AGTPBP1: variants seen among roughly 807,000 people sequenced by gnomAD.
AGTPBP1 encodes ATP/GTP binding carboxypeptidase 1.
In AGTPBP1, 70 loss-of-function variants were observed where a neutral mutation model predicts 143.9. The ratio of observed to expected loss-of-function variants is 0.49; its 90% CI spans 0.40 to 0.59. The LOEUF is 0.59. Ranked by LOEUF, AGTPBP1 falls within the 20% of genes least tolerant of loss-of-function variation. The pLI is 0.00. For missense variants in AGTPBP1, 1,229 were observed against 1,464.5 expected, an observed-to-expected ratio of 0.84 and a Z score of 2.62; for synonymous variants, 463 against 500.2, an observed-to-expected ratio of 0.93 and a Z score of 0.99.
At chr9:85,719,437 G>T (rs1837952195) in intron 1 of AGTPBP1, among the ~76,000 whole-genome samples, 1 of 152,160 alleles carries the variant, frequency 6.6e-6, no homozygotes, top group African/African-American at 2.4e-5. Context: ...AATTGTGAAT[G>T]GGAGGTCACT....
At chr9:85,791,564 A>C in the AGTPBP1 span, 1 of 152,102 alleles carries the variant, frequency 6.6e-6, no homozygotes. Flanking sequence ...CAGGGGGGAA[A>C]GAGGTTTATT....
At chr9:85,746,681 G>A (rs2134920678), upstream of AGTPBP1, among the ~76,000 whole-genome samples, 1 of 151,870 alleles carries the variant, frequency 6.6e-6, no homozygotes. Flanking sequence ...ATTGAGTAGA[G>A]ACTTAGTGTA....
chr9:85,804,963 A>T, the AGTPBP1 span, among the ~76,000 whole-genome samples: 2,497 of 151,768 alleles, frequency 0.016, 32 homozygotes, highest in South Asian at 0.034. Flanking sequence ...GCTCTCCGCG[A>T]CGCAGGTGAT....
At chr9:85,796,289 T>G in the AGTPBP1 span, among the ~76,000 whole-genome samples, 1 of 152,228 alleles carries the variant, frequency 6.6e-6, no homozygotes, top group Non-Finnish European at 1.5e-5. Flanking sequence ...ATCTTTAATC[T>G]ATGAGTGAGG....
intron 25 of AGTPBP1, among the ~76,000 whole-genome samples, chr9:85,569,570 C>T (rs1331302792): frequency 1.3e-5 from 2 of 152,108 alleles, no homozygotes; most frequent in Non-Finnish European, 2.9e-5. Context: ...CAGAACCTCC[C>T]TCATTCCCCT....
At chr9:85,786,286 C>T in the AGTPBP1 span, 31 of 1,598,056 alleles carry the variant, frequency 1.9e-5, 1 homozygote, top group East Asian at 6.7e-4. Context: ...AGAATTACCT[C>T]CAATTCATAG....
intron 13 of AGTPBP1, 84 bp from the exon 14 acceptor site, chr9:85,633,458 G>T: frequency 9.2e-7 from 1 of 1,088,988 alleles, no homozygotes; most frequent in Non-Finnish European, 1.2e-6. Flanking sequence ...GTTATATATT[G>T]CTTCAGAAAT....
intron 17 of AGTPBP1, among the ~76,000 whole-genome samples, chr9:85,612,919 C>T (rs1291282751): frequency 6.6e-6 from 1 of 151,248 alleles, no homozygotes; most frequent in Admixed American, 6.6e-5. Context: ...ATGTATGTTA[C>T]ATTATGTTGC....
chr9:85,634,491 C>A (rs1046606220), intron 13 of AGTPBP1, among the ~76,000 whole-genome samples: 1 of 152,118 alleles, frequency 6.6e-6, no homozygotes, highest in Non-Finnish European at 1.5e-5. Context: ...ATGCCAAGCA[C>A]TGGAGAGCCT....
chr9:85,666,709 T>C (rs1434974355), intron 8 of AGTPBP1, among the ~76,000 whole-genome samples: 1 of 152,086 alleles, frequency 6.6e-6, no homozygotes, highest in Non-Finnish European at 1.5e-5. Context: ...AAACATTTTA[T>C]ATTAGATTTG....
the AGTPBP1 span, among the ~76,000 whole-genome samples, chr9:85,802,694 T>G: frequency 6.6e-6 from 1 of 152,248 alleles, no homozygotes; most frequent in Non-Finnish European, 1.5e-5. Context: ...AAATATATCT[T>G]GCTCACATAA....
chr9:85,709,658 A>G (rs1274157081), intron 2 of AGTPBP1, among the ~76,000 whole-genome samples: 1 of 152,196 alleles, frequency 6.6e-6, no homozygotes, highest in Non-Finnish European at 1.5e-5. Flanking sequence ...ACAAAAGTTA[A>G]CAGATTAGAG....
intron 5 of AGTPBP1, 142 bp from the exon 6 acceptor site, chr9:85,677,724 T>C (rs62569228): frequency 0.019 from 13,415 of 710,328 alleles, 175 homozygotes; most frequent in Middle Eastern, 0.031. Context: ...CAAATAAGGC[T>C]GGGCGCAGTA....
intron 17 of AGTPBP1, among the ~76,000 whole-genome samples, chr9:85,607,758 A>G (rs1476415547): frequency 6.6e-6 from 1 of 152,150 alleles, no homozygotes; most frequent in African/African-American, 2.4e-5. Flanking sequence ...TGTACTATAA[A>G]TCACAGATTT....
intron 14 of AGTPBP1, among the ~76,000 whole-genome samples, chr9:85,624,790 TC>T (rs1831167277): frequency 6.6e-6 from 1 of 152,216 alleles, no homozygotes. Flanking sequence ...GTATCTTCCA[TC>T]CACATAATCA....
chr9:85,611,689 A>G (rs1169047444), intron 17 of AGTPBP1, among the ~76,000 whole-genome samples: 3 of 152,156 alleles, frequency 2.0e-5, no homozygotes, highest in African/African-American at 7.2e-5. Context: ...ATGAAACAAT[A>G]TATTTTTGGG....
At position 85,579,010 on chromosome 9, in the gene AGTPBP1, T is replaced by C. The variant is rs751999738; in HGVS notation, c.3252A>G (p.Thr1084=). ...TTTCCCTCCAAACTACAACACGTGCTGTGGATTCTTTAGATTTTTCCACTA... is the reference window on the plus strand; with the variant it reads ...TTTCCCTCCAAACTACAACACGTGCCGTGGATTCTTTAGATTTTTCCACTA... ...SFVVEKSKES[T]ARVVVWREIG... Residue 1084 remains threonine (T), a synonymous_variant, in exon 24 of 26, where the codon ACA becomes ACG. Transcript: ENST00000357081. 1.2e-6 allele frequency: 2 copies of C among 1,612,218 alleles called. No individual in the cohort carries two copies. The highest frequency in any genetic ancestry group is 1.7e-6 in the Non-Finnish European group (2 of 1,179,382).
chr9:85,614,757 T>G (rs886327955), intron 17 of AGTPBP1, among the ~76,000 whole-genome samples: 1 of 151,828 alleles, frequency 6.6e-6, no homozygotes, highest in African/African-American at 2.4e-5. Context: ...ACATAATTAG[T>G]GTGTATGTAG....
At chr9:85,698,138 T>G (rs1836392977) in intron 2 of AGTPBP1, among the ~76,000 whole-genome samples, 1 of 152,078 alleles carries the variant, frequency 6.6e-6, no homozygotes, top group Non-Finnish European at 1.5e-5. Flanking sequence ...AAATTCAACA[T>G]GCAATTCACA....
Sources: gnomAD v4.1 joint callset for allele counts (sites outside exome capture counted in the v4.1 genomes callset) on GRCh38, gnomAD v4.1.1 for gene constraint, MANE v1.5 for transcripts, NCBI Gene and HGNC (gene_info 2026-07-23, HGNC 2026-07-21) for gene names.